RAPGEF5: variants seen among roughly 807,000 people sequenced by gnomAD.
RAPGEF5 encodes M-Ras-regulated GEF.
In RAPGEF5, 65 loss-of-function variants were observed where a neutral mutation model predicts 125.2. The observed-to-expected ratio is 0.52, with a 90% confidence interval of 0.43 to 0.64. The LOEUF is 0.64. Ranked by LOEUF, RAPGEF5 falls within the 30% of genes least tolerant of loss-of-function variation. The pLI is 0.00. For synonymous variants in RAPGEF5, 391 were observed against 385.9 expected, an observed-to-expected ratio of 1.01 and a Z score of -0.16; for missense variants, 958 against 1,048.1, an observed-to-expected ratio of 0.91 and a Z score of 1.19.
At chr7:22,159,740 A>G (rs548777745) in intron 14 of RAPGEF5, among the ~76,000 whole-genome samples, 1 of 152,324 alleles carries the variant, frequency 6.6e-6, no homozygotes, top group South Asian at 2.1e-4. Flanking sequence ...GCCAAGAGTC[A>G]TTGAGTAAAT....
chr7:22,277,210 T>C (rs938874296), intron 6 of RAPGEF5, among the ~76,000 whole-genome samples: 2 of 152,228 alleles, frequency 1.3e-5, no homozygotes. Context: ...AAGGACAGAC[T>C]TCAGGTTTCA....
chr7:22,341,717 A>G (rs547220585), intron 1 of RAPGEF5, among the ~76,000 whole-genome samples: 90 of 152,334 alleles, frequency 5.9e-4, no homozygotes, highest in South Asian at 5.2e-3. Context: ...CAAATCTTAA[A>G]GGTCCAAAAT....
intron 9 of RAPGEF5, among the ~76,000 whole-genome samples, chr7:22,217,498 T>C (rs1282983346): frequency 6.6e-6 from 1 of 152,228 alleles, no homozygotes; most frequent in Non-Finnish European, 1.5e-5. Context: ...GTGGTTTTTA[T>C]TCCTAATAAA....
intron 5 of RAPGEF5, among the ~76,000 whole-genome samples, chr7:22,307,537 TCCAC>T (rs1180740222): frequency 6.6e-6 from 1 of 152,174 alleles, no homozygotes; most frequent in African/African-American, 2.4e-5. Flanking sequence ...CTAATCTTGC[TCCAC>T]CTCCTTCTCA....
intron 20 of RAPGEF5, 47 bp downstream of exon 20, chr7:22,144,997 C>G: frequency 1.3e-6 from 2 of 1,574,488 alleles, no homozygotes; most frequent in South Asian, 1.2e-5. Flanking sequence ...ACAATGTACT[C>G]TCTCAAGAAG....
chr7:22,252,071 C>T (rs911762195), intron 7 of RAPGEF5, among the ~76,000 whole-genome samples: 1 of 152,154 alleles, frequency 6.6e-6, no homozygotes, highest in East Asian at 1.9e-4. Context: ...TAGCTCTCAA[C>T]TAGAAAACTT....
At chr7:22,271,861 G>A (rs1340829056) in intron 6 of RAPGEF5, among the ~76,000 whole-genome samples, 5 of 152,238 alleles carry the variant, frequency 3.3e-5, no homozygotes, top group Admixed American at 1.3e-4. Context: ...TTTTTCCTCT[G>A]GCAGTTTAGT....
At chr7:22,137,732 G>C (rs989185656) in intron 21 of RAPGEF5, among the ~76,000 whole-genome samples, 1 of 152,092 alleles carries the variant, frequency 6.6e-6, no homozygotes, top group Non-Finnish European at 1.5e-5. Flanking sequence ...GCAAGCTCTC[G>C]GATCTGTTTC....
chr7:22,238,427 T>C (rs994153042), intron 7 of RAPGEF5, among the ~76,000 whole-genome samples: 2 of 152,180 alleles, frequency 1.3e-5, no homozygotes, highest in Non-Finnish European at 2.9e-5. Context: ...GTAAAGCACA[T>C]ACATGGATAA....
chr7:22,215,776 A>G (rs1026434274), intron 9 of RAPGEF5, among the ~76,000 whole-genome samples: 1 of 152,194 alleles, frequency 6.6e-6, no homozygotes, highest in African/African-American at 2.4e-5. Flanking sequence ...GCTACCAGAG[A>G]TTCTCTCTGT....
At chr7:22,339,974 T>C (rs2128386573) in intron 1 of RAPGEF5, among the ~76,000 whole-genome samples, 1 of 152,280 alleles carries the variant, frequency 6.6e-6, no homozygotes, top group Admixed American at 6.5e-5. Context: ...CCTTTTCTTC[T>C]TATGGGAAGT....
intron 7 of RAPGEF5, among the ~76,000 whole-genome samples, chr7:22,252,197 A>G (rs906732859): frequency 1.3e-5 from 2 of 152,180 alleles, no homozygotes; most frequent in East Asian, 1.9e-4. Flanking sequence ...AAGAAGTAGG[A>G]CTCTGAAGAG....
chr7:22,226,313 AT>A (rs1385370557), intron 8 of RAPGEF5, among the ~76,000 whole-genome samples: 3 of 152,130 alleles, frequency 2.0e-5, no homozygotes, highest in Non-Finnish European at 2.9e-5. Context: ...AGTTCATATA[AT>A]TTTTTTGCTA....
chr7:22,259,940 C>T (rs564685656), intron 7 of RAPGEF5, among the ~76,000 whole-genome samples: 1 of 152,130 alleles, frequency 6.6e-6, no homozygotes, highest in Non-Finnish European at 1.5e-5. Flanking sequence ...AAAAATTACC[C>T]GGGTGTGGTG....
At chr7:22,215,997 C>G (rs1785628921) in intron 9 of RAPGEF5, among the ~76,000 whole-genome samples, 1 of 152,156 alleles carries the variant, frequency 6.6e-6, no homozygotes, top group African/African-American at 2.4e-5. Flanking sequence ...TGCCACTATA[C>G]CAAAGAATCC....
intron 11 of RAPGEF5, among the ~76,000 whole-genome samples, chr7:22,179,798 G>T (rs1307793672): frequency 2.0e-5 from 3 of 152,144 alleles, no homozygotes; most frequent in Non-Finnish European, 4.4e-5. Context: ...CCAGCACTAT[G>T]ACAATTTACA....
In RAPGEF5 at chr7:22,150,391, G is replaced by C. The variant is rs745618793; in HGVS notation, c.1884+16C>G. On this transcript the variant is annotated intron_variant, in intron 18 of 25. Coordinates refer to ENST00000665637, the MANE Select transcript of RAPGEF5 (RefSeq NM_012294.5). Reference sequence around the variant, plus strand: ...CCTGGCCTGTTTGTTTCAAATACAAGGCTGAAGGTCCTTACCAAAGTGTCC... The same window carrying C: ...CCTGGCCTGTTTGTTTCAAATACAACGCTGAAGGTCCTTACCAAAGTGTCC... 1 of 1,597,860 alleles carries C rather than the reference G, an allele frequency of 6.3e-7. No individual in the cohort carries two copies. Among genetic ancestry groups the C allele is most frequent in the Non-Finnish European group, 8.5e-7 (1 of 1,174,278 alleles).
chr7:22,157,078 T>C lies in RAPGEF5; in HGVS notation c.1558-190A>G, dbSNP rs28441423. On this transcript the variant is annotated intron_variant, in intron 15 of 25. Coordinates refer to ENST00000665637, the MANE Select transcript of RAPGEF5 (RefSeq NM_012294.5). The stretch of plus-strand genomic sequence containing the variant: ...AAGTGGTGGTGGAGATTCTGAGCAA[T>C]CTGATGGGCCTGGGCTAAGGCCAGC... Among the ~76,000 whole-genome samples the C allele has an allele frequency of 4.5e-3, 678 of 152,240 alleles. 6 individuals are homozygous for C. The highest frequency in any genetic ancestry group is 0.016 in the African/African-American group (653 of 41,536).
At chr7:22,206,250 G>A (rs1451205395) in intron 9 of RAPGEF5, among the ~76,000 whole-genome samples, 1 of 152,148 alleles carries the variant, frequency 6.6e-6, no homozygotes, top group East Asian at 1.9e-4. Flanking sequence ...TATTAACTTG[G>A]GAGGTAGTTT....
Sources: gnomAD v4.1 joint callset for allele counts (sites outside exome capture counted in the v4.1 genomes callset) on GRCh38, gnomAD v4.1.1 for gene constraint, MANE v1.5 for transcripts, NCBI Gene and HGNC (gene_info 2026-07-23, HGNC 2026-07-21) for gene names.